XKR5: variants seen among roughly 807,000 people sequenced by gnomAD.
XKR5 encodes the protein XK related 5, also known as XK-related protein 5.
Under a neutral mutation model 40.8 loss-of-function variants are expected in XKR5, and 46 were observed. The observed-to-expected ratio is 1.13, with a 90% confidence interval of 0.89 to 1.44. The LOEUF is 1.44. Among genes scored for constraint, XKR5 ranks in the 40% most tolerant of loss-of-function variants. The pLI is 0.00. For synonymous variants in XKR5, 466 were observed against 356.1 expected (o/e 1.31, Z -3.48); for missense variants, 1,169 against 844.7 (o/e 1.38, Z -4.76).
At position 6,831,144 on chromosome 8, in the gene XKR5, C is replaced by A. The variant is rs561411255; in HGVS notation, c.242+1573G>T. 2.6e-5 allele frequency among the ~76,000 whole-genome samples: 4 copies of A among 152,296 alleles called. No homozygotes were observed. The South Asian group carries it at 8.3e-4, about 32-fold the overall frequency. On this transcript the variant is annotated intron_variant, in intron 2 of 6. Transcript: ENST00000618742. ...TGCCTTACGACTGTGATGGTCAAAG[C>A]CAAGTAAGACCCAGAGCCCTTAAGG...
intron 2 of XKR5, among the ~76,000 whole-genome samples, chr8:6,826,641 G>C (rs1193213228): frequency 6.6e-6 from 1 of 152,168 alleles, no homozygotes; most frequent in Non-Finnish European, 1.5e-5. Context: ...TCAGCAGTGA[G>C]GAATGTGAGG....
At chr8:6,824,453 A>G (rs982926720) in intron 3 of XKR5, among the ~76,000 whole-genome samples, 1 of 152,150 alleles carries the variant, frequency 6.6e-6, no homozygotes, top group African/African-American at 2.4e-5. Flanking sequence ...GCTGGAGACA[A>G]ATGTTGCTGG....
chr8:6,829,690 A>G (rs943864473), intron 2 of XKR5, among the ~76,000 whole-genome samples: 2 of 151,566 alleles, frequency 1.3e-5, no homozygotes, highest in Non-Finnish European at 2.9e-5. Context: ...TAATTTGTCT[A>G]TTTTTAGTGG....
chr8:6,821,664 C>A (rs1804230892), intron 5 of XKR5, among the ~76,000 whole-genome samples: 1 of 152,174 alleles, frequency 6.6e-6, no homozygotes, highest in African/African-American at 2.4e-5. Context: ...AGGGCCACAG[C>A]TGGAGGTTGG....
At position 6,823,798 on chromosome 8, in the gene XKR5, C is replaced by G. The variant is rs372840094; in HGVS notation, c.428-68G>C. ...GAAGTAACAGTACCTTGTGAAGATT[C>G]ACTCATGGCATTTCTTTAATGGGAT... On this transcript the variant is annotated intron_variant, in intron 3 of 6. Transcript: ENST00000618742. The G allele has an allele frequency of 2.8e-5, 38 of 1,335,972 alleles. No individual in the cohort carries two copies. The African/African-American group carries it at 5.3e-4, about 18-fold the overall frequency. The allele number at this position is 1,335,972 out of a possible 1,614,324, so 82.8% of individuals were successfully genotyped here. A position where few individuals can be genotyped will look rare whatever the true frequency, so the allele number is the denominator to read the frequency against.
At chr8:6,815,945 C>CG in intron 5 of XKR5, 27 bp from the exon 6 acceptor site, 2 of 1,537,346 alleles carry the variant, frequency 1.3e-6, no homozygotes, top group Non-Finnish European at 1.8e-6. Flanking sequence ...AGAGGCACCA[C>CG]ACCTCGTCAG....
intron 2 of XKR5, among the ~76,000 whole-genome samples, chr8:6,828,215 CAG>C (rs1281558419): frequency 6.6e-6 from 1 of 152,244 alleles, no homozygotes; most frequent in African/African-American, 2.4e-5. Context: ...GTGGTGGAAT[CAG>C]AGTCACAGGC....
Position 6,811,392 on chromosome 8 carries a change from T to C in XKR5, c.1867A>G (p.Ile623Val), listed in dbSNP as rs915070379. 2 of 1,537,312 alleles carry C rather than the reference T, an allele frequency of 1.3e-6. No individual in the cohort carries two copies. The highest frequency in any genetic ancestry group is 2.0e-5 in the Admixed American group (1 of 51,000). Residue 623 changes from isoleucine (I) to valine (V), a missense_variant, in exon 7 of 7, where the codon ATC becomes GTC. By Grantham distance (29) the Ile-to-Val change is conservative. Transcript: ENST00000618742. ...TCCAGCGGCTCCTCTAGCTCTGAGA[T>C]ACTGAGGGTTCTTCCAGGGAAGCCT... ...SAGFPGRTLS[I>V]SELEEPLEPK...
chr8:6,823,717 C>T lies in XKR5; in HGVS notation c.441G>A (p.Leu147=). The change falls in exon 4 of 7, where the codon CTG becomes CTA. Residue 147 remains leucine (L), a synonymous_variant. Transcript: ENST00000618742. ...CCCAGGAGAGTGAGGACCAGGAAAA[C>T]AGGGTGCTCACCCCTGAAAGGGAAG... is the stretch of plus-strand genomic sequence containing the variant. ...FTDIVPGVST[L]FSWSSLSWAL... 6.3e-7 allele frequency: 1 copy of T among 1,579,796 alleles called. No individual in the cohort carries two copies. Among genetic ancestry groups the T allele is most frequent in the South Asian group, 1.2e-5 (1 of 86,112 alleles).
intron 2 of XKR5, among the ~76,000 whole-genome samples, chr8:6,828,703 C>A (rs1485452582): frequency 6.6e-6 from 1 of 152,210 alleles, no homozygotes; most frequent in Non-Finnish European, 1.5e-5. Context: ...TGCATGGACC[C>A]CGTCCCTCCC....
At chr8:6,816,069 T>C (rs1402994265) in intron 5 of XKR5, among the ~76,000 whole-genome samples, 151 bp from the exon 6 acceptor site, 1 of 151,976 alleles carries the variant, frequency 6.6e-6, no homozygotes, top group Non-Finnish European at 1.5e-5. Context: ...GGAGCAGGGC[T>C]ATGTCCCACT....
At position 6,832,729 on chromosome 8, in the gene XKR5, C is replaced by G. The variant is rs1804824480; in HGVS notation, c.230G>C (p.Gly77Ala). ...CAGCTGTTCTTACCGCTTCCAAACA[C>G]CAAGCTGTAGGAGGTGCAGCATCAT... ...SLMMLHLLQLGVWKRHWDAAL... is the reference protein window; with the variant it reads ...SLMMLHLLQLAVWKRHWDAAL... The change falls in exon 2 of 7, where the codon GGT becomes GCT. Residue 77 changes from glycine to alanine, a missense_variant. Coordinates refer to ENST00000618742, the MANE Select transcript of XKR5 (RefSeq NM_207411.5). 6.2e-7 allele frequency: 1 copy of G among 1,613,056 alleles called. No individual in the cohort carries two copies. Among genetic ancestry groups the G allele is most frequent in the Non-Finnish European group, 8.5e-7 (1 of 1,179,524 alleles).
At chr8:6,815,702 C>T (rs561590027) in intron 6 of XKR5, 105 bp downstream of exon 6, 732 of 756,476 alleles carry the variant, frequency 9.7e-4, no homozygotes, top group Non-Finnish European at 1.4e-3. Context: ...CCTTGGTCTC[C>T]AGTTAACCAC....
At chr8:6,820,887 C>T (rs1804201775) in intron 5 of XKR5, among the ~76,000 whole-genome samples, 1 of 152,176 alleles carries the variant, frequency 6.6e-6, no homozygotes, top group Non-Finnish European at 1.5e-5. Context: ...AGGTCTCTAC[C>T]CTGGAATGCC....
intron 6 of XKR5, among the ~76,000 whole-genome samples, chr8:6,814,745 TGAA>T (rs1412468413): frequency 6.6e-6 from 1 of 152,178 alleles, no homozygotes; most frequent in Non-Finnish European, 1.5e-5. Context: ...TGACGTCTCA[TGAA>T]GAAGAACAGA....
chr8:6,816,646 T>G (rs922636950), intron 5 of XKR5, among the ~76,000 whole-genome samples: 1 of 147,570 alleles, frequency 6.8e-6, no homozygotes, highest in Non-Finnish European at 1.5e-5. Flanking sequence ...TTAATATATA[T>G]TTTAATTTAT....
chr8:6,831,449 C>T (rs994748233), intron 2 of XKR5, among the ~76,000 whole-genome samples: 10 of 152,160 alleles, frequency 6.6e-5, no homozygotes, highest in African/African-American at 2.4e-4. Flanking sequence ...TGAAGTCTTT[C>T]TCAGAAGCAC....
chr8:6,828,556 C>G (rs142333649), intron 2 of XKR5, among the ~76,000 whole-genome samples: 1 of 152,072 alleles, frequency 6.6e-6, no homozygotes, highest in Non-Finnish European at 1.5e-5. Context: ...CTAGGGAAGC[C>G]GGGGAGGAAG....
intron 1 of XKR5, 63 bp from the exon 2 acceptor site, chr8:6,832,963 A>G: frequency 7.3e-7 from 1 of 1,363,632 alleles, no homozygotes. Flanking sequence ...GGGTACCTGC[A>G]TTTTAAACAA....
Sources: allele counts gnomAD v4.1 joint callset (sites outside exome capture counted in the v4.1 genomes callset), GRCh38; gene constraint gnomAD v4.1.1; transcripts MANE v1.5; gene names NCBI Gene and HGNC (gene_info 2026-07-23, HGNC 2026-07-21).